Variants in NAALADL2 observed in about 807,000 individuals in gnomAD.
NAALADL2 encodes the protein N-acetylated alpha-linked acidic dipeptidase like 2, also known as inactive N-acetylated-alpha-linked acidic dipeptidase-like protein 2.
A neutral mutation model predicts 87.2 loss-of-function variants in NAALADL2; 76 were observed. The ratio of observed to expected loss-of-function variants is 0.87; its 90% confidence interval spans 0.72 to 1.05. NAALADL2 has a LOEUF of 1.05. Ranked by LOEUF, NAALADL2 falls within the 50% of genes least tolerant of loss-of-function variation. The pLI is 0.00. For missense variants in NAALADL2, 1,089 were observed against 945.8 expected, an observed-to-expected ratio of 1.15 and a Z score of -1.99; for synonymous variants, 354 against 331.0, an observed-to-expected ratio of 1.07 and a Z score of -0.75.
intron 11 of NAALADL2, among the ~76,000 whole-genome samples, chr3:175,724,865 A>G (rs529347314): frequency 6.6e-6 from 1 of 152,096 alleles, no homozygotes; most frequent in African/African-American, 2.4e-5. Flanking sequence ...AATAAAACAG[A>G]GGTTTATTTT....
chr3:175,774,615 A>C, intron 13 of NAALADL2, among the ~76,000 whole-genome samples: 1 of 151,994 alleles, frequency 6.6e-6, no homozygotes, highest in Admixed American at 6.6e-5. Context: ...GAACTCAATT[A>C]GCTGTTAGTT....
At chr3:175,536,452 A>G (rs1734825729) in intron 9 of NAALADL2, among the ~76,000 whole-genome samples, 1 of 152,170 alleles carries the variant, frequency 6.6e-6, no homozygotes, top group Admixed American at 6.5e-5. Context: ...ATATAAGGAA[A>G]GTCTTTTTTG....
At chr3:174,504,936 A>C (rs1359541741) in intron 1 of NAALADL2, among the ~76,000 whole-genome samples, 1 of 152,180 alleles carries the variant, frequency 6.6e-6, no homozygotes, top group Non-Finnish European at 1.5e-5. Context: ...TCATGAAGGC[A>C]TGAAGATGTC....
Position 175,457,723 on chromosome 3 carries a change from A to G in NAALADL2, c.1235-5678A>G, listed in dbSNP as rs140071673. Among the ~76,000 whole-genome samples the G allele has an allele frequency of 2.3e-3, 294 of 130,100 alleles. 1 individual carries two copies. Among genetic ancestry groups the G allele is most frequent in the African/African-American group, 7.7e-3 (269 of 34,784 alleles). 85.4% of individuals were successfully genotyped at this position (130,100 alleles called of 152,430 possible). ...TTTTTTGTAGAGACAAGATCTTGCT[A>G]TGTTGCTCAGGCTGGTCTCAAACTC... is the stretch of plus-strand genomic sequence containing the variant. On this transcript the variant is annotated intron_variant, in intron 6 of 13. Coordinates refer to ENST00000454872, the MANE Select transcript of NAALADL2 (RefSeq NM_207015.3).
At chr3:174,489,558 G>A (rs1384734912) in intron 1 of NAALADL2, among the ~76,000 whole-genome samples, 1 of 152,022 alleles carries the variant, frequency 6.6e-6, no homozygotes, top group Admixed American at 6.6e-5. Flanking sequence ...GTGACCCATA[G>A]CATGAGATAA....
chr3:175,110,731 G>A (rs1724046347), intron 2 of NAALADL2, among the ~76,000 whole-genome samples: 2 of 151,728 alleles, frequency 1.3e-5, no homozygotes, highest in African/African-American at 4.8e-5. Flanking sequence ...TAACCTATAA[G>A]CAGAAAGATA....
chr3:175,409,864 T>C (rs1429492507), intron 5 of NAALADL2, among the ~76,000 whole-genome samples: 2 of 152,046 alleles, frequency 1.3e-5, no homozygotes, highest in Non-Finnish European at 2.9e-5. Context: ...AAGTTCAAAA[T>C]ATTAGAGTAA....
At chr3:174,962,412 CATATAT>C (rs59026426) in intron 1 of NAALADL2, among the ~76,000 whole-genome samples, 64 of 89,040 alleles carry the variant, frequency 7.2e-4, no homozygotes, top group African/African-American at 1.0e-3. Flanking sequence ...GTGACTATGA[CATATAT>C]ATATATATAT....
intron 2 of NAALADL2, among the ~76,000 whole-genome samples, chr3:175,109,312 G>T (rs925992146): frequency 3.3e-5 from 5 of 151,748 alleles, no homozygotes; most frequent in African/African-American, 4.8e-5. Flanking sequence ...TGCATTAAAG[G>T]TCTCTTTTAA....
At chr3:175,704,974 T>A (rs1739481324) in intron 11 of NAALADL2, among the ~76,000 whole-genome samples, 3 of 152,304 alleles carry the variant, frequency 2.0e-5, no homozygotes, top group South Asian at 4.1e-4. Flanking sequence ...AAAACCATCA[T>A]TCACATGAGG....
At chr3:175,606,197 C>T (rs1394681661) in intron 10 of NAALADL2, among the ~76,000 whole-genome samples, 1 of 152,074 alleles carries the variant, frequency 6.6e-6, no homozygotes, top group Non-Finnish European at 1.5e-5. Context: ...TGAGGAAAAC[C>T]TCAGTAGAAA....
chr3:175,420,415 A>G (rs948239173), intron 5 of NAALADL2, among the ~76,000 whole-genome samples: 1 of 152,012 alleles, frequency 6.6e-6, no homozygotes, highest in Admixed American at 6.6e-5. Flanking sequence ...TTTCTATAAA[A>G]TGGTTCAGTA....
At chr3:174,725,235 T>C (rs1424189779) in intron 2 of NAALADL2, among the ~76,000 whole-genome samples, 1 of 152,204 alleles carries the variant, frequency 6.6e-6, no homozygotes, top group Non-Finnish European at 1.5e-5. Context: ...CTTAGGAGAA[T>C]CCTTTGGCTT....
At chr3:175,315,682 C>T (rs182386175) in intron 4 of NAALADL2, among the ~76,000 whole-genome samples, 1 of 152,146 alleles carries the variant, frequency 6.6e-6, no homozygotes, top group African/African-American at 2.4e-5. Context: ...ATAAAATTAG[C>T]ATTTTCTAGT....
At chr3:174,568,078 T>G (rs2108527270) in intron 2 of NAALADL2, among the ~76,000 whole-genome samples, 1 of 151,866 alleles carries the variant, frequency 6.6e-6, no homozygotes, top group East Asian at 1.9e-4. Flanking sequence ...ATATTTTAAG[T>G]ATTCATGTCG....
intron 1 of NAALADL2, among the ~76,000 whole-genome samples, chr3:174,519,677 T>C (rs1258533975): frequency 6.6e-6 from 1 of 152,012 alleles, no homozygotes; most frequent in Non-Finnish European, 1.5e-5. Flanking sequence ...ACCCTTCTCT[T>C]ACCCTTCTGT....
chr3:174,859,130 T>C (rs1177173719), upstream of NAALADL2: 6 of 337,494 alleles, frequency 1.8e-5, no homozygotes, highest in Non-Finnish European at 3.2e-5. Flanking sequence ...AAAGTGAAAG[T>C]AGAGAATTAA....
intron 9 of NAALADL2, among the ~76,000 whole-genome samples, chr3:175,515,001 A>G (rs1332180277): frequency 6.6e-6 from 1 of 152,116 alleles, no homozygotes; most frequent in African/African-American, 2.4e-5. Context: ...CCTCCAAGAA[A>G]TTCTGAGATA....
intron 2 of NAALADL2, among the ~76,000 whole-genome samples, chr3:175,113,084 C>CAT (rs1371258357): frequency 6.6e-6 from 1 of 151,492 alleles, no homozygotes; most frequent in East Asian, 1.9e-4. Context: ...AGGATAATTT[C>CAT]ATGGAAAGTT....
Sources: allele counts gnomAD v4.1 joint callset (sites outside exome capture counted in the v4.1 genomes callset), GRCh38; gene constraint gnomAD v4.1.1; transcripts MANE v1.5; gene names NCBI Gene and HGNC (gene_info 2026-07-23, HGNC 2026-07-21).